The following HS3ST4 variants were observed in gnomAD, a reference collection of about 807,000 sequenced individuals.
HS3ST4 encodes the protein heparan sulfate-glucosamine 3-sulfotransferase 4, also known as heparan sulfate glucosamine 3-O-sulfotransferase 4.
HS3ST4 carries 17 observed loss-of-function variants against 29.2 expected under a neutral mutation model. That is an observed-to-expected ratio of 0.58 (90% CI 0.40 to 0.87). The LOEUF (loss-of-function observed/expected upper bound fraction) is 0.87, where lower values mean the gene tolerates loss of function less well. Among genes scored for constraint, HS3ST4 ranks in the 40% least tolerant of loss-of-function variants. The pLI, the probability that HS3ST4 is intolerant of heterozygous loss-of-function variation, is 0.00. For missense variants in HS3ST4, 627 were observed against 634.5 expected (o/e 0.99, Z 0.13); for synonymous variants, 314 against 285.7 (o/e 1.10, Z -1.00).
intron 1 of HS3ST4, among the ~76,000 whole-genome samples, chr16:26,055,999 T>A (rs188703529): frequency 1.9e-3 from 287 of 151,654 alleles, no homozygotes; most frequent in Non-Finnish European, 3.6e-3. Context: ...CGGCTGGATT[T>A]ACATCATAAT....
chr16:26,017,344 C>T (rs953445093), intron 1 of HS3ST4, among the ~76,000 whole-genome samples: 1 of 152,200 alleles, frequency 6.6e-6, no homozygotes, highest in Admixed American at 6.5e-5. Context: ...AGGCAGGCCA[C>T]ATGTCTGATT....
intron 1 of HS3ST4, among the ~76,000 whole-genome samples, chr16:26,134,357 CTTTTCTTTTT>C (rs1456088967): frequency 1.3e-4 from 14 of 109,080 alleles, no homozygotes; most frequent in African/African-American, 4.5e-4. Flanking sequence ...CTTTTCTTTT[CTTTTCTTTTT>C]TTTTTTTTTG....
At chr16:26,098,448 G>A (rs1898954051) in intron 1 of HS3ST4, among the ~76,000 whole-genome samples, 1 of 152,096 alleles carries the variant, frequency 6.6e-6, no homozygotes, top group Non-Finnish European at 1.5e-5. Flanking sequence ...CAGGGATGAA[G>A]CTGGAAACCA....
intron 1 of HS3ST4, among the ~76,000 whole-genome samples, chr16:25,883,757 T>TATAC (rs1967918293): frequency 1.3e-5 from 2 of 152,164 alleles, no homozygotes; most frequent in Non-Finnish European, 2.9e-5. Context: ...TTGTTACCAT[T>TATAC]TTGCAGATGG....
At chr16:26,062,865 C>G (rs1596667888) in intron 1 of HS3ST4, 1 of 274,082 alleles carries the variant, frequency 3.6e-6, no homozygotes, top group East Asian at 9.2e-5. Flanking sequence ...CCAACTTTCA[C>G]TACATATTCT....
At chr16:26,118,523 T>C (rs1016623497) in intron 1 of HS3ST4, among the ~76,000 whole-genome samples, 8 of 152,198 alleles carry the variant, frequency 5.3e-5, no homozygotes, top group African/African-American at 1.9e-4. Flanking sequence ...CCACTAGCCA[T>C]TCGTAACTAC....
chr16:25,961,889 T>TA (rs1968798590), intron 1 of HS3ST4, among the ~76,000 whole-genome samples: 1 of 152,236 alleles, frequency 6.6e-6, no homozygotes, highest in South Asian at 2.1e-4. Context: ...ACCTCTATTT[T>TA]ATACTACTGT....
chr16:25,710,140 C>T (rs544719357), intron 1 of HS3ST4, among the ~76,000 whole-genome samples: 16 of 150,972 alleles, frequency 1.1e-4, no homozygotes, highest in African/African-American at 3.0e-4. Flanking sequence ...TTCTGTAAGA[C>T]GTTTTAGGAA....
intron 1 of HS3ST4, among the ~76,000 whole-genome samples, chr16:25,821,411 C>T (rs369969007): frequency 6.6e-5 from 10 of 152,164 alleles, no homozygotes; most frequent in African/African-American, 2.4e-4. Flanking sequence ...TACTTATGTC[C>T]TTTGCCCATT....
chr16:25,695,297 G>A (rs1444150487), intron 1 of HS3ST4, among the ~76,000 whole-genome samples: 1 of 152,182 alleles, frequency 6.6e-6, no homozygotes, highest in Non-Finnish European at 1.5e-5. Flanking sequence ...ATCTAGTCCA[G>A]GGGTGCTGAT....
In HS3ST4 at chr16:25,740,941, A is replaced by G. The variant is rs564873626; in HGVS notation, c.734+47790A>G. On this transcript the variant is annotated intron_variant, in intron 1 of 1. Coordinates refer to ENST00000331351, the MANE Select transcript of HS3ST4 (RefSeq NM_006040.3). ...GTGTGAGTAAATACAGTTGAAAGAC[A>G]TAGTGAAATTTCTCATTACTGGGCC... Among the ~76,000 whole-genome samples the G allele has an allele frequency of 6.6e-5, 10 of 152,320 alleles. No individual in the cohort carries two copies. In the South Asian group the frequency reaches 1.4e-3, roughly 22 times the overall value.
At chr16:26,115,964 T>C (rs1899196522) in intron 1 of HS3ST4, among the ~76,000 whole-genome samples, 1 of 152,240 alleles carries the variant, frequency 6.6e-6, no homozygotes, top group South Asian at 2.1e-4. Context: ...AGTGATTCTC[T>C]ATAGCTGCGT....
chr16:25,904,246 G>A (rs955531474), intron 1 of HS3ST4, among the ~76,000 whole-genome samples: 1 of 152,104 alleles, frequency 6.6e-6, no homozygotes, highest in African/African-American at 2.4e-5. Context: ...ATGAATGGAT[G>A]GATGGAAGAA....
chr16:25,980,005 C>T (rs1968988130), intron 1 of HS3ST4, among the ~76,000 whole-genome samples: 1 of 152,178 alleles, frequency 6.6e-6, no homozygotes, highest in Non-Finnish European at 1.5e-5. Context: ...ATCCTATCAC[C>T]TCTCCCTCAG....
intron 1 of HS3ST4, among the ~76,000 whole-genome samples, chr16:25,944,215 T>C (rs1048904517): frequency 4.0e-5 from 6 of 151,762 alleles, no homozygotes. Context: ...CACTGGAGAG[T>C]GGGTAAGGCA....
At chr16:25,725,332 A>G (rs1022177859) in intron 1 of HS3ST4, among the ~76,000 whole-genome samples, 17 of 152,154 alleles carry the variant, frequency 1.1e-4, no homozygotes, top group African/African-American at 3.9e-4. Flanking sequence ...TATCCGAAAA[A>G]TAGCCTTTCT....
rs574647439 is a variant in HS3ST4 at position 25,710,607 on chromosome 16, C to T, written c.734+17456C>T. On this transcript the variant is annotated intron_variant, in intron 1 of 1. Coordinates refer to ENST00000331351, the MANE Select transcript of HS3ST4 (RefSeq NM_006040.3). ...AAAGACTTCCTATTGCTCATCCAGTCGCTATTAGGCCTATGTACTAGAATG... is the reference window on the plus strand; with the variant it reads ...AAAGACTTCCTATTGCTCATCCAGTTGCTATTAGGCCTATGTACTAGAATG... Among the ~76,000 whole-genome samples the T allele has an allele frequency of 5.9e-5, 9 of 151,996 alleles. No homozygotes were observed. The South Asian group carries it at 6.3e-4, about 11-fold the overall frequency.
At chr16:25,946,167 T>C (rs1968624423) in intron 1 of HS3ST4, among the ~76,000 whole-genome samples, 1 of 152,166 alleles carries the variant, frequency 6.6e-6, no homozygotes, top group African/African-American at 2.4e-5. Context: ...CGAGAGAGTT[T>C]GCAACATCCA....
intron 1 of HS3ST4, among the ~76,000 whole-genome samples, chr16:25,913,948 G>C (rs549190636): frequency 6.6e-6 from 1 of 150,906 alleles, no homozygotes; most frequent in Non-Finnish European, 1.5e-5. Flanking sequence ...TGTGTGTGGT[G>C]TGTGTGTAAG....
Sources: gnomAD v4.1 joint callset for allele counts (sites outside exome capture counted in the v4.1 genomes callset) on GRCh38, gnomAD v4.1.1 for gene constraint, MANE v1.5 for transcripts, NCBI Gene and HGNC (gene_info 2026-07-23, HGNC 2026-07-21) for gene names.